ELP4: variants seen among roughly 807,000 people sequenced by gnomAD.
ELP4 encodes the protein elongator acetyltransferase complex subunit 4.
In ELP4, 51 loss-of-function variants were observed where a neutral mutation model predicts 48.9. The observed-to-expected ratio is 1.04, with a 90% CI of 0.83 to 1.32. ELP4 has a LOEUF of 1.32. Among genes scored for constraint, ELP4 ranks in the 40% most tolerant of loss-of-function variants. The pLI, the probability that ELP4 is intolerant of heterozygous loss-of-function variation, is 0.00. For missense variants in ELP4, 519 were observed against 514.6 expected, an observed-to-expected ratio of 1.01 and a Z score of -0.08; for synonymous variants, 210 against 189.2, an observed-to-expected ratio of 1.11 and a Z score of -0.90.
intron 9 of ELP4, among the ~76,000 whole-genome samples, chr11:31,670,060 G>T (rs1377694028): frequency 6.6e-6 from 1 of 151,942 alleles, no homozygotes; most frequent in African/African-American, 2.4e-5. Flanking sequence ...TAAATCTTTG[G>T]CATATGCAAA....
At chr11:31,536,495 G>C (rs187737106) in intron 2 of ELP4, among the ~76,000 whole-genome samples, 1 of 152,082 alleles carries the variant, frequency 6.6e-6, no homozygotes, top group African/African-American at 2.4e-5. Context: ...GGGATTATAC[G>C]CATGTGCAAG....
At chr11:31,549,386 A>G (rs1235541426) in intron 3 of ELP4, among the ~76,000 whole-genome samples, 1 of 152,244 alleles carries the variant, frequency 6.6e-6, no homozygotes, top group Non-Finnish European at 1.5e-5. Flanking sequence ...CCATGAAAAA[A>G]TGCTCACCAT....
intron 9 of ELP4, among the ~76,000 whole-genome samples, chr11:31,750,807 T>C (rs538337123): frequency 6.6e-6 from 1 of 152,312 alleles, no homozygotes; most frequent in South Asian, 2.1e-4. Context: ...TTTGTTGTTA[T>C]TCCCTGTGAT....
At chr11:31,685,465 G>A (rs1476639269) in intron 9 of ELP4, among the ~76,000 whole-genome samples, 1 of 151,980 alleles carries the variant, frequency 6.6e-6, no homozygotes, top group Non-Finnish European at 1.5e-5. Context: ...CAATTACATA[G>A]TTAATTGAAA....
chr11:31,552,963 A>G (rs1434124289), intron 3 of ELP4, among the ~76,000 whole-genome samples: 2 of 152,118 alleles, frequency 1.3e-5, no homozygotes, highest in African/African-American at 4.8e-5. Context: ...TGCCTTGGCT[A>G]AGAACTTTTT....
chr11:31,658,710 A>T (rs1345326031), intron 9 of ELP4, among the ~76,000 whole-genome samples: 3 of 151,878 alleles, frequency 2.0e-5, no homozygotes, highest in Non-Finnish European at 4.4e-5. Flanking sequence ...TTGTATTTTA[A>T]ATTTTTCTAA....
At chr11:31,610,234 G>A (rs1052517566) in intron 5 of ELP4, among the ~76,000 whole-genome samples, 1 of 152,200 alleles carries the variant, frequency 6.6e-6, no homozygotes, top group Admixed American at 6.5e-5. Context: ...GAGAGATTCT[G>A]CCTATCTGTT....
intron 3 of ELP4, among the ~76,000 whole-genome samples, chr11:31,547,474 T>G (rs1362580762): frequency 6.6e-6 from 1 of 152,148 alleles, no homozygotes. Context: ...CAACAGGAGC[T>G]GAAATTGTGG....
intron 3 of ELP4, among the ~76,000 whole-genome samples, chr11:31,583,273 C>T (rs1957419618): frequency 6.6e-6 from 1 of 151,988 alleles, no homozygotes; most frequent in Admixed American, 6.6e-5. Flanking sequence ...GTGATGTTTA[C>T]TATATTATTC....
intron 1 of ELP4, chr11:31,511,972 G>A (rs1956017726): frequency 6.6e-6 from 1 of 152,170 alleles, no homozygotes; most frequent in South Asian, 2.1e-4. Flanking sequence ...TGTATGCAGT[G>A]AATTCTCAAA....
intron 9 of ELP4, among the ~76,000 whole-genome samples, chr11:31,709,306 A>G (rs546892209): frequency 1.3e-4 from 20 of 152,150 alleles, no homozygotes; most frequent in Non-Finnish European, 2.6e-4. Context: ...AGGATTTTCA[A>G]TCCAAGGGTC....
intron 2 of ELP4, among the ~76,000 whole-genome samples, chr11:31,529,190 A>G (rs1956351279): frequency 6.6e-6 from 1 of 151,886 alleles, no homozygotes; most frequent in South Asian, 2.1e-4. Flanking sequence ...TTTAGTATAG[A>G]GTTAGTGCTC....
At chr11:31,655,812 CT>C (rs1157489333) in intron 9 of ELP4, among the ~76,000 whole-genome samples, 2 of 151,958 alleles carry the variant, frequency 1.3e-5, no homozygotes, top group Non-Finnish European at 2.9e-5. Context: ...TATTTTTTAA[CT>C]TCCTATATAA....
At chr11:31,581,239 C>G (rs972838102) in intron 3 of ELP4, among the ~76,000 whole-genome samples, 1 of 152,142 alleles carries the variant, frequency 6.6e-6, no homozygotes. Context: ...ATCATTCTAG[C>G]AACTGCCTTG....
chr11:31,513,148 A>C (rs1477435020), intron 1 of ELP4, among the ~76,000 whole-genome samples: 1 of 152,220 alleles, frequency 6.6e-6, no homozygotes, highest in Non-Finnish European at 1.5e-5. Flanking sequence ...CTACATATTT[A>C]ACACAATCTT....
At chr11:31,647,701 A>G (rs755236226) in intron 7 of ELP4, 40 bp from the exon 8 acceptor site, 2 of 1,206,456 alleles carry the variant, frequency 1.7e-6, no homozygotes, top group South Asian at 1.2e-5. Flanking sequence ...TACTATTAAC[A>G]TAATATTTAA....
Position 31,789,753 on chromosome 11 carries a change from C to T in ELP4, c.*6229C>T. 1 of 713,592 alleles carries T rather than the reference C, an allele frequency of 1.4e-6. No homozygotes were observed. Among genetic ancestry groups the T allele is most frequent in the Non-Finnish European group, 2.6e-6 (1 of 390,274 alleles). The allele number at this position is 713,592 out of a possible 1,614,324, so 44.2% of individuals were successfully genotyped here. A position where few individuals can be genotyped will look rare whatever the true frequency, so the allele number is the denominator to read the frequency against. On this transcript the variant is annotated 3_prime_UTR_variant, in exon 10 of 10. Transcript: ENST00000640961. The stretch of plus-strand genomic sequence containing the variant: ...CAACTGATATCGTGCCTTCTGTATA[C>T]AAAGGTCCTTGTTTCAAGTCCATTC...
In ELP4 at chr11:31,632,403, C is replaced by T; in HGVS notation, c.925C>T (p.Gln309Ter). 1 of 1,602,144 alleles carries T rather than the reference C, an allele frequency of 6.2e-7. No homozygotes were observed. The highest frequency in any genetic ancestry group is 1.3e-5 in the African/African-American group (1 of 74,084). Residue 309 changes from glutamine to a stop codon, truncating the protein, a stop_gained and splice_region_variant, in exon 7 of 10, where the codon CAG becomes TAG. Transcript: ENST00000640961. LOFTEE classifies it high-confidence loss of function. ...CATCACAATGCCAACACATCTGATC[C>T]AGGTACGAAATTTCCAGAACTACTT... ...CIITMPTHLI[Q>*]NKAIIARVTT...
intron 3 of ELP4, among the ~76,000 whole-genome samples, chr11:31,543,712 G>C (rs915894059): frequency 6.6e-6 from 1 of 152,116 alleles, no homozygotes; most frequent in South Asian, 2.1e-4. Flanking sequence ...ACATTACATA[G>C]ATAGGACCAA....
Sources: allele counts gnomAD v4.1 joint callset (sites outside exome capture counted in the v4.1 genomes callset), GRCh38; gene constraint gnomAD v4.1.1; transcripts MANE v1.5; gene names NCBI Gene and HGNC (gene_info 2026-07-23, HGNC 2026-07-21).